The following SLC2A9 variants were observed in gnomAD, a reference collection of about 807,000 sequenced individuals.
The protein encoded by SLC2A9 is solute carrier family 2 member 9.
SLC2A9 carries 39 observed loss-of-function variants against 50.6 expected under a neutral mutation model. The observed-to-expected ratio is 0.77, with a 90% CI of 0.60 to 1.01. SLC2A9 has a LOEUF of 1.01. Ranked by LOEUF, SLC2A9 falls within the 50% of genes least tolerant of loss-of-function variation. The pLI, the probability that SLC2A9 is intolerant of heterozygous loss-of-function variation, is 0.00. For synonymous variants in SLC2A9, 324 were observed against 276.9 expected, an observed-to-expected ratio of 1.17 and a Z score of -1.69; for missense variants, 686 against 677.6, an observed-to-expected ratio of 1.01 and a Z score of -0.14.
At chr4:10,012,817 G>A (rs59871456) in intron 2 of SLC2A9, among the ~76,000 whole-genome samples, 26,149 of 151,796 alleles carry the variant, frequency 0.17, 2,455 homozygotes, top group Non-Finnish European at 0.21. Flanking sequence ...GAGTGAGGGG[G>A]GAAATGATGA....
At chr4:10,021,219 G>C in intron 1 of SLC2A9, 61 bp downstream of exon 1, 1 of 1,567,086 alleles carries the variant, frequency 6.4e-7, no homozygotes, top group Non-Finnish European at 8.8e-7. Flanking sequence ...TCACACGGCT[G>C]CCACCCAGGC....
chr4:9,983,298 G>A lies in SLC2A9; in HGVS notation c.535+2371C>T, dbSNP rs183301471. Among the ~76,000 whole-genome samples the A allele has an allele frequency of 3.0e-4, 45 of 152,336 alleles. 1 individual carries two copies. Among genetic ancestry groups the A allele is most frequent in the African/African-American group, 8.9e-4 (37 of 41,576 alleles). ...CTGATTTGTACCCCCTCCCTGGATC[G>A]ACATCCTTGGGGAGTTAGTCCTCTC... is the stretch of plus-strand genomic sequence containing the variant. On this transcript the variant is annotated intron_variant, in intron 4 of 11. Coordinates refer to ENST00000264784, the MANE Select transcript of SLC2A9 (RefSeq NM_020041.3).
At chr4:9,833,947 G>A (rs1404700775) in intron 11 of SLC2A9, among the ~76,000 whole-genome samples, 3 of 152,114 alleles carry the variant, frequency 2.0e-5, no homozygotes, top group South Asian at 2.1e-4. Flanking sequence ...CTGTGCAGAA[G>A]GCTTGCAAAG....
intron 10 of SLC2A9, among the ~76,000 whole-genome samples, chr4:9,853,790 C>A (rs1297965709): frequency 6.6e-6 from 1 of 151,006 alleles, no homozygotes; most frequent in Admixed American, 6.6e-5. Context: ...ATTATACCAA[C>A]CACACCCTTG....
chr4:9,813,365 C>A lies in SLC2A9; in HGVS notation n.420+13055G>T, dbSNP rs74381756. ...TCCATTTACTTGTTCACTCCCATGT[C>A]TTCAGCCCTTGGTCTTGTATTTCTT... On this transcript the variant is annotated intron_variant and non_coding_transcript_variant, in intron 3 of 3. Coordinates refer to the SLC2A9 transcript ENST00000503280. Among the ~76,000 whole-genome samples, 283 of 152,318 alleles carry A rather than the reference C, an allele frequency of 1.9e-3. 1 individual carries two copies. Among genetic ancestry groups the A allele is most frequent in the African/African-American group, 6.5e-3 (271 of 41,578 alleles).
intron 1 of SLC2A9, among the ~76,000 whole-genome samples, chr4:9,774,178 G>C (rs1717211479): frequency 6.6e-6 from 1 of 151,958 alleles, no homozygotes; most frequent in South Asian, 2.1e-4. Flanking sequence ...ATTTTTAGTA[G>C]AGATGGGGTT....
At chr4:9,916,409 C>T (rs970405933) in intron 7 of SLC2A9, among the ~76,000 whole-genome samples, 2 of 152,212 alleles carry the variant, frequency 1.3e-5, no homozygotes, top group East Asian at 1.9e-4. Flanking sequence ...TTCTAACACA[C>T]TTGGGTGTCT....
At chr4:9,787,854 G>A (rs1719425772) in intron 3 of SLC2A9, among the ~76,000 whole-genome samples, 1 of 152,182 alleles carries the variant, frequency 6.6e-6, no homozygotes. Context: ...GGCATGAGGG[G>A]CAGGTGCTGT....
intron 10 of SLC2A9, among the ~76,000 whole-genome samples, chr4:9,883,912 C>T (rs1291371415): frequency 2.6e-5 from 4 of 152,232 alleles, no homozygotes; most frequent in East Asian, 3.9e-4. Flanking sequence ...CTTGTCATCA[C>T]CACTGGAATA....
At chr4:9,771,997 G>T (rs2108814099) in intron 1 of SLC2A9, among the ~76,000 whole-genome samples, 1 of 152,280 alleles carries the variant, frequency 6.6e-6, no homozygotes, top group African/African-American at 2.4e-5. Context: ...ATTGTGAAGG[G>T]CCACACTGAG....
chr4:9,908,584 G>C (rs1403110741), intron 7 of SLC2A9, among the ~76,000 whole-genome samples: 1 of 150,730 alleles, frequency 6.6e-6, no homozygotes, highest in Non-Finnish European at 1.5e-5. Context: ...TTAAGTTCTA[G>C]GGTACATGTG....
downstream of SLC2A9, among the ~76,000 whole-genome samples, chr4:9,821,778 T>C (rs570225271): frequency 6.6e-6 from 1 of 152,364 alleles, no homozygotes; most frequent in African/African-American, 2.4e-5. Context: ...GAAGCATTTC[T>C]CCCTTTTGAA....
intron 10 of SLC2A9, among the ~76,000 whole-genome samples, chr4:9,848,479 T>C (rs1450204548): frequency 6.6e-6 from 1 of 152,000 alleles, no homozygotes; most frequent in African/African-American, 2.4e-5. Context: ...CACAGCCTCA[T>C]GTTTATTTAT....
intron 6 of SLC2A9, among the ~76,000 whole-genome samples, chr4:9,931,962 C>CTCTCTCTCTATA (rs1560329576): frequency 6.9e-5 from 1 of 14,578 alleles, no homozygotes. Flanking sequence ...CTCTCTCTCT[C>CTCTCTCTCTATA]TATATATATA....
chr4:9,945,575 C>T (rs1159904457), intron 5 of SLC2A9, among the ~76,000 whole-genome samples: 5 of 152,152 alleles, frequency 3.3e-5, no homozygotes, highest in African/African-American at 7.2e-5. Flanking sequence ...CATGACTGGC[C>T]GCCAAATCTG....
intron 5 of SLC2A9, among the ~76,000 whole-genome samples, chr4:9,952,888 T>C (rs1373190145): frequency 6.6e-6 from 1 of 152,238 alleles, no homozygotes; most frequent in Non-Finnish European, 1.5e-5. Context: ...AGAGCTGTTT[T>C]GGAAGAGATT....
intron 5 of SLC2A9, among the ~76,000 whole-genome samples, chr4:9,950,739 A>ATTACCATTCAATCC (rs1184484972): frequency 3.3e-5 from 1 of 30,420 alleles, no homozygotes; most frequent in African/African-American, 4.3e-4. Flanking sequence ...TAAAAATACA[A>ATTACCATTCAATCC]AAAATTAGCC....
intron 1 of SLC2A9, chr4:10,029,348 A>G (rs1763856867): frequency 6.6e-6 from 1 of 152,090 alleles, no homozygotes. Flanking sequence ...CAACCAAACC[A>G]TTGGCTTCTC....
rs1227076139 is a variant in SLC2A9 at position 9,973,245 on chromosome 4, G to A, written c.681+7347C>T. 4.6e-5 allele frequency among the ~76,000 whole-genome samples: 7 copies of A among 152,036 alleles called. 2 individuals are homozygous for A. The highest frequency in any genetic ancestry group is 3.3e-4 in the Admixed American group (5 of 15,262). On this transcript the variant is annotated intron_variant, in intron 5 of 11. Transcript: ENST00000264784. Reference sequence around the variant, plus strand: ...TCACAATTTCCCAAGATTCAATTAGGAAGAAACTGAAACCCTGAACAGAAC... The same window carrying A: ...TCACAATTTCCCAAGATTCAATTAGAAAGAAACTGAAACCCTGAACAGAAC...
Sources: gnomAD v4.1 joint callset for allele counts (sites outside exome capture counted in the v4.1 genomes callset) on GRCh38, gnomAD v4.1.1 for gene constraint, MANE v1.5 for transcripts, NCBI Gene and HGNC (gene_info 2026-07-23, HGNC 2026-07-21) for gene names.